Variants in DOCK4 observed in about 807,000 individuals in gnomAD.
The protein encoded by DOCK4 is dedicator of cytokinesis 4.
In DOCK4, 97 loss-of-function variants were observed where a neutral mutation model predicts 268.1. The ratio of observed to expected loss-of-function variants is 0.36; its 90% confidence interval spans 0.31 to 0.43. The LOEUF is 0.43. DOCK4 is among the 20% of genes least tolerant of loss of function. DOCK4 has a pLI of 1.00. For missense variants in DOCK4, 2,145 were observed against 2,455.7 expected (o/e 0.87, Z 2.67); for synonymous variants, 954 against 887.2 (o/e 1.08, Z -1.34).
intron 1 of DOCK4, among the ~76,000 whole-genome samples, chr7:112,096,979 A>G (rs1021583960): frequency 1.3e-5 from 2 of 152,216 alleles, no homozygotes; most frequent in African/African-American, 4.8e-5. Context: ...GCCTTAATAC[A>G]GAATAAATGG....
At chr7:111,791,563 T>G (rs1799551953) in intron 30 of DOCK4, among the ~76,000 whole-genome samples, 1 of 151,984 alleles carries the variant, frequency 6.6e-6, no homozygotes, top group African/African-American at 2.4e-5. Flanking sequence ...ATCTCCTGTC[T>G]CAGCCTCCTG....
In DOCK4 at chr7:111,902,338, C is replaced by T. The variant is rs1315393625; in HGVS notation, c.1193-537G>A. On this transcript the variant is annotated intron_variant, in intron 13 of 52. Coordinates refer to ENST00000428084, the MANE Select transcript of DOCK4 (RefSeq NM_001363540.2). Reference sequence around the variant, plus strand: ...TATGAACACAGATGTAGAATAATTCCGTCATACAGACAAACTCGGCTTAAT... The same window carrying T: ...TATGAACACAGATGTAGAATAATTCTGTCATACAGACAAACTCGGCTTAAT... Among the ~76,000 whole-genome samples, 5 of 152,078 alleles carry T rather than the reference C, an allele frequency of 3.3e-5. No homozygotes were observed. In the East Asian group the frequency reaches 9.6e-4, roughly 29 times the overall value.
chr7:112,084,620 A>G (rs903926362), intron 1 of DOCK4, among the ~76,000 whole-genome samples: 2 of 152,308 alleles, frequency 1.3e-5, no homozygotes, highest in South Asian at 4.1e-4. Context: ...TTGGGCTGAG[A>G]AAATGTTTCA....
Position 111,761,589 on chromosome 7 carries a change from T to C in DOCK4, c.4021-1267A>G, listed in dbSNP as rs10250656. Reference sequence around the variant, plus strand: ...AGCTGAGGTCCAAGGTTTTCTCTGTTTTTCCGCTCTATGAGGTTCTTATGT... The same window carrying C: ...AGCTGAGGTCCAAGGTTTTCTCTGTCTTTCCGCTCTATGAGGTTCTTATGT... On this transcript the variant is annotated intron_variant, in intron 39 of 52. Coordinates refer to ENST00000428084, the MANE Select transcript of DOCK4 (RefSeq NM_001363540.2). 9.5e-3 allele frequency among the ~76,000 whole-genome samples: 1,452 copies of C among 152,126 alleles called. 24 individuals carry two copies. The highest frequency in any genetic ancestry group is 0.033 in the African/African-American group (1,372 of 41,486).
chr7:112,077,979 CTAAG>C (rs1212933800), intron 1 of DOCK4, among the ~76,000 whole-genome samples: 4 of 151,870 alleles, frequency 2.6e-5, no homozygotes, highest in Admixed American at 6.6e-5. Flanking sequence ...AAATACAAGC[CTAAG>C]TGAGTAAAAT....
intron 23 of DOCK4, among the ~76,000 whole-genome samples, chr7:111,851,333 T>C (rs1804530279): frequency 6.7e-6 from 1 of 149,928 alleles, no homozygotes; most frequent in Non-Finnish European, 1.5e-5. Context: ...AAGTCCCAGC[T>C]ACTAGGGAGG....
At chr7:112,076,378 G>A (rs1262171617) in intron 1 of DOCK4, among the ~76,000 whole-genome samples, 1 of 151,908 alleles carries the variant, frequency 6.6e-6, no homozygotes, top group Non-Finnish European at 1.5e-5. Context: ...ACTGAATTTG[G>A]CAAAAAATGT....
chr7:112,088,591 T>C (rs1368122748), intron 1 of DOCK4, among the ~76,000 whole-genome samples: 1 of 152,114 alleles, frequency 6.6e-6, no homozygotes, highest in Non-Finnish European at 1.5e-5. Context: ...ATTAGTACTA[T>C]GGGAAAGAGC....
At chr7:112,069,730 C>T (rs1807413056) in intron 1 of DOCK4, among the ~76,000 whole-genome samples, 1 of 152,014 alleles carries the variant, frequency 6.6e-6, no homozygotes, top group African/African-American at 2.4e-5. Flanking sequence ...CAAGAGTACC[C>T]AACTCAGCGG....
chr7:111,863,422 T>C lies in DOCK4; in HGVS notation c.2423A>G (p.Lys808Arg), dbSNP rs1296899556. The change falls in exon 23 of 53, where the codon AAA becomes AGA. Residue 808 changes from lysine to arginine, a missense_variant. Lys to Arg is a conservative substitution (Grantham distance 26). Coordinates refer to ENST00000428084, the MANE Select transcript of DOCK4 (RefSeq NM_001363540.2). ...CACGGTTTTGCCAATGCACTGCAGT[T>C]TGATGGCCTGCAGGGAATCATCCAC... ...LHVDDSLQAI[K>R]LQCIGKTVES... is the part of the protein sequence containing the mutation. 1 of 1,614,020 alleles carries C rather than the reference T, an allele frequency of 6.2e-7. No individual in the cohort carries two copies. Among genetic ancestry groups the C allele is most frequent in the East Asian group, 2.2e-5 (1 of 44,878 alleles).
At chr7:112,205,518 G>A (rs1821325388) in intron 1 of DOCK4, among the ~76,000 whole-genome samples, 1 of 152,174 alleles carries the variant, frequency 6.6e-6, no homozygotes, top group African/African-American at 2.4e-5. Context: ...CGGGATCGCA[G>A]AGAGGGAGGA....
At chr7:112,088,686 G>A (rs140000573) in intron 1 of DOCK4, among the ~76,000 whole-genome samples, 1 of 152,130 alleles carries the variant, frequency 6.6e-6, no homozygotes, top group Non-Finnish European at 1.5e-5. Flanking sequence ...TATCGGGCAG[G>A]ATTGTGTTAA....
intron 8 of DOCK4, among the ~76,000 whole-genome samples, chr7:111,956,367 C>A (rs1015482264): frequency 1.3e-5 from 2 of 152,064 alleles, no homozygotes; most frequent in Admixed American, 1.3e-4. Context: ...TCAAGCCCTG[C>A]AAAAACAGTA....
intron 1 of DOCK4, among the ~76,000 whole-genome samples, chr7:112,197,128 T>G (rs893343587): frequency 2.0e-5 from 3 of 152,142 alleles, no homozygotes; most frequent in African/African-American, 7.2e-5. Context: ...CCTCTTTCTG[T>G]GAATTTATTG....
intron 26 of DOCK4, among the ~76,000 whole-genome samples, chr7:111,827,749 T>C (rs1051471781): frequency 2.0e-5 from 3 of 151,812 alleles, no homozygotes; most frequent in Non-Finnish European, 2.9e-5. Flanking sequence ...GACTGAAAGG[T>C]GTTTAGAAGG....
At chr7:112,169,032 G>A (rs1817847419) in intron 1 of DOCK4, among the ~76,000 whole-genome samples, 1 of 152,208 alleles carries the variant, frequency 6.6e-6, no homozygotes, top group South Asian at 2.1e-4. Context: ...CCCAATGTTG[G>A]AGGAGGGCCC....
chr7:111,808,891 C>CA lies in DOCK4; in HGVS notation c.3108-13dup, dbSNP rs768248001. The CA allele has an allele frequency of 5.6e-4, 903 of 1,611,588 alleles. No individual in the cohort carries two copies. The highest frequency in any genetic ancestry group is 7.3e-4 in the Non-Finnish European group (859 of 1,178,854). On this transcript the variant is annotated splice_polypyrimidine_tract_variant and intron_variant, in intron 29 of 52. Transcript: ENST00000428084. ...GCATGTCACCATACCTGAAATAGAA[C>CA]AAAAAACCAAACCTGATACAATGCC...
intron 24 of DOCK4, among the ~76,000 whole-genome samples, chr7:111,845,704 A>G (rs569691904): frequency 1.3e-5 from 2 of 152,316 alleles, no homozygotes; most frequent in South Asian, 4.2e-4. Context: ...ACTTGCAAGA[A>G]AACTACCAAG....
At chr7:112,133,197 G>A (rs1265616980) in intron 1 of DOCK4, among the ~76,000 whole-genome samples, 1 of 152,156 alleles carries the variant, frequency 6.6e-6, no homozygotes, top group Non-Finnish European at 1.5e-5. Flanking sequence ...GGCCATGTGG[G>A]TGCCTGCGGG....
Sources: gnomAD v4.1 joint callset for allele counts (sites outside exome capture counted in the v4.1 genomes callset) on GRCh38, gnomAD v4.1.1 for gene constraint, MANE v1.5 for transcripts, NCBI Gene and HGNC (gene_info 2026-07-23, HGNC 2026-07-21) for gene names.